ADAMTS20: variants seen among roughly 807,000 people sequenced by gnomAD.
ADAMTS20 encodes the protein A disintegrin and metalloproteinase with thrombospondin motifs 20.
A neutral mutation model predicts 260.1 loss-of-function variants in ADAMTS20; 225 were observed. The ratio of observed to expected loss-of-function variants is 0.87; its 90% CI spans 0.78 to 0.97. The LOEUF is 0.97. ADAMTS20 is among the 50% of genes least tolerant of loss of function. ADAMTS20 has a pLI of 0.00. For missense variants in ADAMTS20, 2,400 were observed against 2,337.7 expected (o/e 1.03, Z -0.55); for synonymous variants, 802 against 769.5 (o/e 1.04, Z -0.70).
At chr12:43,355,474 C>T (rs2137175904) in intron 38 of ADAMTS20, among the ~76,000 whole-genome samples, 1 of 152,188 alleles carries the variant, frequency 6.6e-6, no homozygotes, top group Middle Eastern at 3.4e-3. Flanking sequence ...AAACACAAAT[C>T]CTTCATTAAG....
chr12:43,504,971 T>G (rs951215063), intron 3 of ADAMTS20, among the ~76,000 whole-genome samples: 2 of 152,216 alleles, frequency 1.3e-5, no homozygotes, highest in African/African-American at 4.8e-5. Context: ...CCTAGGTATT[T>G]ATCTAAGAGA....
intron 28 of ADAMTS20, among the ~76,000 whole-genome samples, chr12:43,414,471 T>C (rs1357721749): frequency 6.6e-6 from 1 of 152,112 alleles, no homozygotes; most frequent in East Asian, 1.9e-4. Context: ...AGGGTACTTA[T>C]ATCCAGAACA....
chr12:43,416,815 C>T (rs771938863), intron 28 of ADAMTS20, among the ~76,000 whole-genome samples: 6 of 152,168 alleles, frequency 3.9e-5, no homozygotes, highest in Non-Finnish European at 8.8e-5. Flanking sequence ...AGCCACCGCG[C>T]CCGGCCAAAC....
At chr12:43,480,868 TAGAC>T (rs1942430841) in intron 7 of ADAMTS20, among the ~76,000 whole-genome samples, 1 of 152,198 alleles carries the variant, frequency 6.6e-6, no homozygotes, top group African/African-American at 2.4e-5. Flanking sequence ...TAGTTTCAGT[TAGAC>T]AGGAGAAATA....
At chr12:43,550,050 A>G (rs577202382) in intron 2 of ADAMTS20, among the ~76,000 whole-genome samples, 1 of 152,294 alleles carries the variant, frequency 6.6e-6, no homozygotes, top group African/African-American at 2.4e-5. Context: ...TTTTTCTTGA[A>G]TATGTATTTG....
chr12:43,463,340 A>G (rs538305324), intron 10 of ADAMTS20, among the ~76,000 whole-genome samples: 1 of 152,182 alleles, frequency 6.6e-6, no homozygotes, highest in African/African-American at 2.4e-5. Flanking sequence ...TATTCATAAG[A>G]ATTTGCCAAA....
chr12:43,535,386 C>A (rs1316131300), intron 2 of ADAMTS20, among the ~76,000 whole-genome samples: 1 of 137,188 alleles, frequency 7.3e-6, no homozygotes, highest in South Asian at 2.2e-4. Context: ...AATATAAAGA[C>A]TCTTGCTTGC....
rs147391030 is a variant in ADAMTS20 at position 43,433,819 on chromosome 12, T to C, written c.2720+426A>G. On this transcript the variant is annotated intron_variant, in intron 19 of 38. Coordinates refer to ENST00000389420, the MANE Select transcript of ADAMTS20 (RefSeq NM_025003.5). The stretch of plus-strand genomic sequence containing the variant: ...TAGGATCAATTTCCCTAAAGTTTAA[T>C]GGACAAAATACTGATAGAATGTCAA... The C allele has an allele frequency of 3.1e-4, 148 of 483,326 alleles. 1 individual carries two copies. Among genetic ancestry groups the C allele is most frequent in the African/African-American group, 2.7e-3 (139 of 51,202 alleles). The allele number at this position is 483,326 out of a possible 1,614,324, so 29.9% of individuals were successfully genotyped here.
At chr12:43,476,583 T>C (rs1942356894) in intron 7 of ADAMTS20, among the ~76,000 whole-genome samples, 1 of 93,924 alleles carries the variant, frequency 1.1e-5, no homozygotes, top group African/African-American at 4.5e-5. Context: ...TAGCAAAGAC[T>C]TGGAACCAAC....
chr12:43,461,313 T>C (rs1404612110), intron 11 of ADAMTS20, among the ~76,000 whole-genome samples: 1 of 151,950 alleles, frequency 6.6e-6, no homozygotes, highest in African/African-American at 2.4e-5. Flanking sequence ...TTTAAAGTGA[T>C]AGAAATGTTC....
At chr12:43,472,634 T>G (rs1410064479) in intron 7 of ADAMTS20, among the ~76,000 whole-genome samples, 1 of 131,110 alleles carries the variant, frequency 7.6e-6, no homozygotes, top group African/African-American at 3.0e-5. Context: ...TAACAGCGGA[T>G]CTCTCGGCAG....
rs1418820516 is a variant in ADAMTS20, at chr12:43,462,926, G to A, written c.1583C>T (p.Pro528Leu). The A allele has an allele frequency of 6.2e-7, 1 of 1,608,842 alleles. No homozygotes were observed. The highest frequency in any genetic ancestry group is 1.7e-5 in the Admixed American group (1 of 59,376). The change falls in exon 11 of 39, where the codon CCA becomes CTA. Residue 528 changes from proline (P) to leucine (L), a missense_variant. Coordinates refer to ENST00000389420, the MANE Select transcript of ADAMTS20 (RefSeq NM_025003.5). ...AGGACCGCAGTCTGTTCCATCTGCT[G>A]GTGGCACGTGTTGAGTGAAACAGCC... The part of the protein sequence containing the change: ...HKGCFTQHVP[P>L]ADGTDCGPGM...
chr12:43,552,023 G>A lies in ADAMTS20; in HGVS notation c.-102C>T. The A allele has an allele frequency of 5.1e-6, 5 of 988,378 alleles. No individual in the cohort carries two copies. The highest frequency in any genetic ancestry group is 2.7e-5 in the South Asian group (2 of 73,116). The allele number at this position is 988,378 out of a possible 1,614,324, so 61.2% of individuals were successfully genotyped here. ...ATCCCTCTCCTCCCTCTCGCCCGCC[G>A]CTCTCCGCGCCTCAGCAGCCTAGGG... On this transcript the variant is annotated 5_prime_UTR_variant, in exon 1 of 39. Coordinates refer to ENST00000389420, the MANE Select transcript of ADAMTS20 (RefSeq NM_025003.5).
At chr12:43,432,156 G>A (rs1019900554) in intron 21 of ADAMTS20, 148 bp downstream of exon 21, 2 of 916,056 alleles carry the variant, frequency 2.2e-6, no homozygotes, top group Non-Finnish European at 3.2e-6. Flanking sequence ...TGCCTGGCCT[G>A]TCTTATAAAT....
chr12:43,519,318 T>C (rs780586320), intron 3 of ADAMTS20, among the ~76,000 whole-genome samples: 6 of 152,182 alleles, frequency 3.9e-5, no homozygotes, highest in Non-Finnish European at 7.4e-5. Context: ...CATAACTACA[T>C]GATCTGGCCT....
intron 28 of ADAMTS20, among the ~76,000 whole-genome samples, chr12:43,404,064 C>T (rs1940865192): frequency 6.6e-6 from 1 of 151,954 alleles, no homozygotes; most frequent in African/African-American, 2.4e-5. Flanking sequence ...AGGTAGGGTT[C>T]TTACAGAATT....
chr12:43,505,856 C>T (rs1942833575), intron 3 of ADAMTS20, among the ~76,000 whole-genome samples: 1 of 152,144 alleles, frequency 6.6e-6, no homozygotes, highest in Non-Finnish European at 1.5e-5. Flanking sequence ...AGGTTCATTG[C>T]AGTATTATTT....
chr12:43,457,445 C>G (rs903662760), intron 11 of ADAMTS20, among the ~76,000 whole-genome samples: 1 of 152,144 alleles, frequency 6.6e-6, no homozygotes, highest in Admixed American at 6.5e-5. Flanking sequence ...AGAGTTACTT[C>G]TAGTCCAGAT....
At chr12:43,503,967 T>C (rs1394387260) in intron 3 of ADAMTS20, among the ~76,000 whole-genome samples, 1 of 152,210 alleles carries the variant, frequency 6.6e-6, no homozygotes, top group Non-Finnish European at 1.5e-5. Flanking sequence ...CTGTCACCGA[T>C]GGGCATTTAG....
Sources: gnomAD v4.1 joint callset for allele counts (sites outside exome capture counted in the v4.1 genomes callset) on GRCh38, gnomAD v4.1.1 for gene constraint, MANE v1.5 for transcripts, NCBI Gene and HGNC (gene_info 2026-07-23, HGNC 2026-07-21) for gene names.